MACROD2: variants seen among roughly 807,000 people sequenced by gnomAD.
MACROD2 encodes mono-ADP ribosylhydrolase 2, also known as ADP-ribose glycohydrolase MACROD2.
A neutral mutation model predicts 70.4 loss-of-function variants in MACROD2; 36 were observed. The observed-to-expected ratio is 0.51, with a 90% confidence interval of 0.39 to 0.68. MACROD2 has a LOEUF of 0.68. Among genes scored for constraint, MACROD2 ranks in the 30% least tolerant of loss-of-function variants. MACROD2 has a pLI of 0.00. For synonymous variants in MACROD2, 172 were observed against 178.8 expected, an observed-to-expected ratio of 0.96 and a Z score of 0.30; for missense variants, 496 against 538.4, an observed-to-expected ratio of 0.92 and a Z score of 0.78.
intron 16 of MACROD2, among the ~76,000 whole-genome samples, chr20:16,041,695 T>C (rs2067310279): frequency 6.6e-6 from 1 of 152,056 alleles, no homozygotes; most frequent in Non-Finnish European, 1.5e-5. Context: ...ATTGTTCTTG[T>C]ACCTTCATCA....
At chr20:15,849,962 G>A (rs545877136) in intron 8 of MACROD2, among the ~76,000 whole-genome samples, 1 of 152,164 alleles carries the variant, frequency 6.6e-6, no homozygotes, top group Non-Finnish European at 1.5e-5. Flanking sequence ...GGTACCAAGG[G>A]CACCATGGGA....
chr20:14,677,249 G>A (rs1386719060), intron 4 of MACROD2, among the ~76,000 whole-genome samples: 1 of 152,050 alleles, frequency 6.6e-6, no homozygotes, highest in African/African-American at 2.4e-5. Context: ...CTTTATTTAA[G>A]CTATCTAAAC....
chr20:15,944,955 A>G (rs1465847427), intron 12 of MACROD2, among the ~76,000 whole-genome samples: 2 of 152,244 alleles, frequency 1.3e-5, no homozygotes, highest in East Asian at 3.9e-4. Flanking sequence ...TCACCATTCA[A>G]TCACTCAGAG....
rs142849755 is a variant in MACROD2, at chr20:15,928,553, A to T, written c.776-4723A>T. ...TGGGTTGAAACTGTCCCCTGCTGCCATCACTTGCTAGCTGTGGAATCTTAA... is the reference window on the plus strand; with the variant it reads ...TGGGTTGAAACTGTCCCCTGCTGCCTTCACTTGCTAGCTGTGGAATCTTAA... On this transcript the variant is annotated intron_variant, in intron 10 of 17. Coordinates refer to ENST00000684519, the MANE Select transcript of MACROD2 (RefSeq NM_001351661.2). Among the ~76,000 whole-genome samples the T allele has an allele frequency of 3.3e-3, 497 of 152,380 alleles. 3 individuals carry two copies. The highest frequency in any genetic ancestry group is 0.011 in the African/African-American group (461 of 41,596).
At chr20:14,029,969 G>T (rs565263769) in intron 2 of MACROD2, among the ~76,000 whole-genome samples, 68 of 152,274 alleles carry the variant, frequency 4.5e-4, no homozygotes, top group African/African-American at 1.6e-3. Flanking sequence ...GTCATTCTTT[G>T]AAACACTGAT....
At chr20:15,143,760 AT>A (rs10716409) in intron 5 of MACROD2, among the ~76,000 whole-genome samples, 89,204 of 151,280 alleles carry the variant, frequency 0.59, 26,425 homozygotes, top group East Asian at 0.65. Flanking sequence ...ATATCTGTTA[AT>A]TTTTTTCTTT....
chr20:15,584,572 T>C (rs1046210538), intron 8 of MACROD2, among the ~76,000 whole-genome samples: 1 of 152,072 alleles, frequency 6.6e-6, no homozygotes, highest in Non-Finnish European at 1.5e-5. Context: ...GTAAAAGGGA[T>C]TTAAATTGGT....
intron 8 of MACROD2, among the ~76,000 whole-genome samples, chr20:15,623,967 G>T (rs1458335456): frequency 6.6e-6 from 1 of 152,104 alleles, no homozygotes; most frequent in Non-Finnish European, 1.5e-5. Context: ...TGACTCACTC[G>T]ATCACAAAGT....
intron 3 of MACROD2, among the ~76,000 whole-genome samples, chr20:14,461,832 G>T (rs754755284): frequency 6.6e-6 from 1 of 151,430 alleles, no homozygotes; most frequent in Non-Finnish European, 1.5e-5. Context: ...AAAGGATATG[G>T]CTGCATAGTA....
intron 4 of MACROD2, among the ~76,000 whole-genome samples, chr20:14,526,319 T>C (rs945907884): frequency 6.6e-6 from 1 of 152,198 alleles, no homozygotes; most frequent in African/African-American, 2.4e-5. Context: ...CATAGTCTTT[T>C]TTTATTTCTC....
chr20:14,095,209 A>G (rs2054206174), intron 3 of MACROD2, among the ~76,000 whole-genome samples: 1 of 152,142 alleles, frequency 6.6e-6, no homozygotes. Context: ...ATTTGGATAC[A>G]TTTGCTTATA....
intron 12 of MACROD2, among the ~76,000 whole-genome samples, chr20:15,959,541 G>T (rs537844488): frequency 6.6e-6 from 1 of 152,020 alleles, no homozygotes; most frequent in Non-Finnish European, 1.5e-5. Context: ...TTGTTTGTTT[G>T]TTTTTGAGAC....
chr20:16,015,968 A>G (rs2066923495), intron 15 of MACROD2, among the ~76,000 whole-genome samples: 1 of 152,088 alleles, frequency 6.6e-6, no homozygotes, highest in South Asian at 2.1e-4. Context: ...TGAGGGTGTG[A>G]GGGAACTTAT....
intron 3 of MACROD2, among the ~76,000 whole-genome samples, chr20:14,111,186 C>G (rs922181756): frequency 2.6e-5 from 4 of 151,970 alleles, no homozygotes; most frequent in Non-Finnish European, 1.5e-5. Flanking sequence ...AAGAATGAAA[C>G]TAAACCTATA....
intron 5 of MACROD2, among the ~76,000 whole-genome samples, chr20:14,818,998 C>G (rs973011468): frequency 2.6e-5 from 4 of 151,706 alleles, no homozygotes; most frequent in Non-Finnish European, 4.4e-5. Flanking sequence ...GGCATGGTGG[C>G]TCATGCCTGC....
chr20:14,159,069 T>TAAAATA (rs1227154131), intron 3 of MACROD2, among the ~76,000 whole-genome samples: 1 of 152,106 alleles, frequency 6.6e-6, no homozygotes, highest in Non-Finnish European at 1.5e-5. Context: ...AAACTCCATC[T>TAAAATA]CTACTAAAAA....
rs983795259 is a variant in MACROD2, at chr20:14,801,529, T to A, written c.418+116570T>A. ...TTTTACATATTCTCACACCAGGAGT[T>A]TTTTATACAGTAATAGCTACAATGG... On this transcript the variant is annotated intron_variant, in intron 5 of 17. Coordinates refer to ENST00000684519, the MANE Select transcript of MACROD2 (RefSeq NM_001351661.2). 9.2e-5 allele frequency among the ~76,000 whole-genome samples: 14 copies of A among 152,234 alleles called. No individual in the cohort carries two copies. In the East Asian group the frequency reaches 2.5e-3, roughly 27 times the overall value.
chr20:14,285,720 T>C (rs1427631833), intron 3 of MACROD2, among the ~76,000 whole-genome samples: 1 of 152,160 alleles, frequency 6.6e-6, no homozygotes, highest in Non-Finnish European at 1.5e-5. Flanking sequence ...ATGGATAACT[T>C]TATTAACCCA....
At chr20:14,754,891 A>G (rs1053246535) in intron 5 of MACROD2, among the ~76,000 whole-genome samples, 2 of 151,478 alleles carry the variant, frequency 1.3e-5, no homozygotes, top group African/African-American at 4.9e-5. Flanking sequence ...ACTTGAACAA[A>G]TTTTCTATTT....
Sources: gnomAD v4.1 joint callset for allele counts (sites outside exome capture counted in the v4.1 genomes callset) on GRCh38, gnomAD v4.1.1 for gene constraint, MANE v1.5 for transcripts, NCBI Gene and HGNC (gene_info 2026-07-23, HGNC 2026-07-21) for gene names.